CXCR5: variants seen among roughly 807,000 people sequenced by gnomAD.
CXCR5 encodes the protein C-X-C chemokine receptor type 5.
CXCR5 carries 3 observed loss-of-function variants against 5.6 expected under a neutral mutation model. That is an observed-to-expected ratio of 0.54 (90% CI 0.24 to 1.39). The LOEUF (loss-of-function observed/expected upper bound fraction) is 1.39, where lower values mean the gene tolerates loss of function less well. CXCR5 is among the 40% of genes most tolerant of loss of function. CXCR5 has a pLI of 0.16. For synonymous variants in CXCR5, 218 were observed against 219.9 expected (o/e 0.99, Z 0.08); for missense variants, 333 against 494.6 (o/e 0.67, Z 3.10).
rs149086316 is a variant in CXCR5, at chr11:118,894,042, C to A, written c.498C>A (p.Ile166=). ...HAYRHRRLLS[I]HITCGTIWLV... ...ACCGCCACCGCCGCCTCCTCTCCAT[C>A]CACATCACCTGTGGGACCATCTGGC... is the stretch of plus-strand genomic sequence containing the variant. Residue 166 remains isoleucine, a synonymous_variant, in exon 2 of 2, where the codon ATC becomes ATA. Transcript: ENST00000292174. This position sits in a 1 kb window ranked among gnomAD's most constrained non-coding sequence, Gnocchi z 6.1. 7.9e-5 allele frequency: 128 copies of A among 1,614,024 alleles called. No individual in the cohort carries two copies. In the African/African-American group the frequency reaches 1.4e-3, roughly 18 times the overall value.
intron 1 of CXCR5, among the ~76,000 whole-genome samples, chr11:118,884,875 G>A (rs536995928): frequency 6.6e-6 from 1 of 152,224 alleles, no homozygotes; most frequent in Admixed American, 6.5e-5. Context: ...CTTGTGAGCC[G>A]ACGGCAGAGG....
Position 118,894,127 on chromosome 11 carries a change from CACA to C in CXCR5, c.589_591del (p.Asn197del), listed in dbSNP as rs1300052548. On this transcript the variant is annotated inframe_deletion, in exon 2 of 2. Transcript: ENST00000292174. This position sits in a 1 kb window ranked among gnomAD's most constrained non-coding sequence, Gnocchi z 6.1. ...CTTCGCCAAAGTCAGCCAAGGCCAT[CACA>C]ACAACTCCCTGCCACGTTGCACCTT... 1.2e-6 allele frequency: 2 copies of C among 1,614,104 alleles called. No homozygotes were observed. Among genetic ancestry groups the C allele is most frequent in the Non-Finnish European group, 1.7e-6 (2 of 1,180,036 alleles).
At chr11:118,884,089 C>A in intron 1 of CXCR5, 97 bp downstream of exon 1, 6 of 1,208,692 alleles carry the variant, frequency 5.0e-6, no homozygotes, top group Non-Finnish European at 7.2e-6. Flanking sequence ...TGTGGGAATC[C>A]TCTCCCACTG....
intron 1 of CXCR5, chr11:118,886,471 G>T (rs1366782663): frequency 2.4e-6 from 1 of 411,056 alleles, no homozygotes; most frequent in Non-Finnish European, 4.7e-6. Context: ...CTTCTTTAAG[G>T]CAGGGGCTGG....
In CXCR5 at chr11:118,894,547, C is replaced by T. The variant is rs200126792; in HGVS notation, c.1003C>T (p.Arg335Trp). The T allele has an allele frequency of 2.6e-5, 41 of 1,568,198 alleles. No individual in the cohort carries two copies. The East Asian group carries it at 4.0e-4, about 15-fold the overall frequency. Residue 335 changes from arginine (R) to tryptophan (W), a missense_variant, in exon 2 of 2, where the codon CGG (arginine) becomes TGG (tryptophan). By Grantham distance (101) the Arg-to-Trp change is moderately radical. Coordinates refer to ENST00000292174, the MANE Select transcript of CXCR5 (RefSeq NM_001716.5). The surrounding 1 kb of genome is among the most constrained non-coding windows in gnomAD (Gnocchi z 6.1). Reference protein sequence around the residue: ...AGVKFRSDLSRLLTKLGCTGP... With the variant: ...AGVKFRSDLSWLLTKLGCTGP... The stretch of plus-strand genomic sequence containing the variant: ...CGTGAAGTTCCGCAGTGACCTGTCG[C>T]GGCTCCTGACGAAGCTGGGCTGTAC...
At chr11:118,884,927 C>T (rs960064666) in intron 1 of CXCR5, among the ~76,000 whole-genome samples, 1 of 152,160 alleles carries the variant, frequency 6.6e-6, no homozygotes, top group Non-Finnish European at 1.5e-5. Flanking sequence ...ACTGTCTTTT[C>T]TCCCCCTGGA....
At chr11:118,887,140 G>A (rs540394035) in intron 1 of CXCR5, 5 of 617,054 alleles carry the variant, frequency 8.1e-6, no homozygotes, top group Admixed American at 6.3e-5. Context: ...ATATGGGTTC[G>A]GGCATACAAA....
chr11:118,889,945 G>T (rs539388844), intron 1 of CXCR5, among the ~76,000 whole-genome samples: 3 of 152,306 alleles, frequency 2.0e-5, no homozygotes, highest in South Asian at 2.1e-4. Flanking sequence ...GGTCAGACAG[G>T]CTGGCTGGAC....
chr11:118,892,692 A>AGAGGAGGATGGG (rs1939832091), intron 1 of CXCR5, among the ~76,000 whole-genome samples: 2 of 150,950 alleles, frequency 1.3e-5, no homozygotes, highest in African/African-American at 2.4e-5. Context: ...GGGGAGAGGA[A>AGAGGAGGATGGG]GAGGAGGATG....
rs1444066904 is a variant in CXCR5 at position 118,894,534 on chromosome 11, C to T, written c.990C>T (p.Arg330=). ...ACACTTTCGCCGGCGTGAAGTTCCG[C>T]AGTGACCTGTCGCGGCTCCTGACGA... ...MLYTFAGVKF[R]SDLSRLLTKL... is the part of the protein sequence containing the mutation. Residue 330 remains arginine (R), a synonymous_variant, in exon 2 of 2, where the codon CGC becomes CGT. Transcript: ENST00000292174. This position sits in a 1 kb window ranked among gnomAD's most constrained non-coding sequence, Gnocchi z 6.1. 2.5e-6 allele frequency: 4 copies of T among 1,580,658 alleles called. No homozygotes were observed. The highest frequency in any genetic ancestry group is 2.6e-6 in the Non-Finnish European group (3 of 1,161,072).
At chr11:118,890,571 G>T (rs766002735) in intron 1 of CXCR5, among the ~76,000 whole-genome samples, 1 of 152,072 alleles carries the variant, frequency 6.6e-6, no homozygotes. Context: ...GAGGTTTGGA[G>T]ACAGGAATGT....
Position 118,884,011 on chromosome 11 carries a change from C to A in CXCR5, c.51+19C>A. On this transcript the variant is annotated intron_variant, in intron 1 of 1. Coordinates refer to ENST00000292174, the MANE Select transcript of CXCR5 (RefSeq NM_001716.5). ...GGACCTGGTGAGTAGACACGGGTAG[C>A]TTCCTGTCGCCGAGGCCCTGTCTGG... 4.3e-6 allele frequency: 7 copies of A among 1,611,130 alleles called. No individual in the cohort carries two copies. The highest frequency in any genetic ancestry group is 5.9e-6 in the Non-Finnish European group (7 of 1,178,406).
chr11:118,893,474 G>GA lies in CXCR5; in HGVS notation c.52-119dup, dbSNP rs1322517167. On this transcript the variant is annotated intron_variant, in intron 1 of 1. Coordinates refer to ENST00000292174, the MANE Select transcript of CXCR5 (RefSeq NM_001716.5). The surrounding 1 kb of genome is among the most constrained non-coding windows in gnomAD (Gnocchi z 5.7). ...AGTGATTTGTTCAAAATTGAAATTT[G>GA]AAACTTGACATTTGGTCAGTGGGCC... 2.1e-6 allele frequency: 3 copies of GA among 1,453,746 alleles called. No individual in the cohort carries two copies. Among genetic ancestry groups the GA allele is most frequent in the Admixed American group, 5.1e-5 (2 of 38,938 alleles). 90.1% of individuals were successfully genotyped at this position (1,453,746 alleles called of 1,614,324 possible). A position where few individuals can be genotyped will look rare whatever the true frequency, so the allele number is the denominator to read the frequency against.
intron 1 of CXCR5, among the ~76,000 whole-genome samples, chr11:118,891,906 A>C (rs1191741360): frequency 3.3e-5 from 5 of 152,002 alleles, no homozygotes; most frequent in Middle Eastern, 3.4e-3. Flanking sequence ...AAGTTGAAAA[A>C]ATAAGATAAA....
Position 118,896,326 on chromosome 11 carries a change from G to T in CXCR5, c.*1663G>T, listed in dbSNP as rs900749861. On this transcript the variant is annotated 3_prime_UTR_variant, in exon 2 of 2. Coordinates refer to ENST00000292174, the MANE Select transcript of CXCR5 (RefSeq NM_001716.5). ...ATATAATGGTACAAAATGGCTGGGGGTGTGGCCATGGATGGAGGGAAGAGT... is the reference window on the plus strand; with the variant it reads ...ATATAATGGTACAAAATGGCTGGGGTTGTGGCCATGGATGGAGGGAAGAGT... 1.9e-5 allele frequency: 3 copies of T among 154,932 alleles called. No individual in the cohort carries two copies. Among genetic ancestry groups the T allele is most frequent in the African/African-American group, 4.8e-5 (2 of 41,390 alleles). 9.6% of individuals were successfully genotyped at this position (154,932 alleles called of 1,614,324 possible). A position where few individuals can be genotyped will look rare whatever the true frequency, so the allele number is the denominator to read the frequency against.
chr11:118,887,091 C>T lies in CXCR5; in HGVS notation c.51+3099C>T, dbSNP rs914071372. 2.9e-5 allele frequency: 7 copies of T among 244,288 alleles called. No homozygotes were observed. The South Asian group carries it at 9.0e-4, about 31-fold the overall frequency. The allele number at this position is 244,288 out of a possible 1,614,324, so 15.1% of individuals were successfully genotyped here. ...TGGAAGGGTCAGAGATGAGGGAGAG[C>T]CCCAAGGCCAAGCTGAGGATGGGTC... is the stretch of plus-strand genomic sequence containing the variant. On this transcript the variant is annotated intron_variant, in intron 1 of 1. Coordinates refer to ENST00000292174, the MANE Select transcript of CXCR5 (RefSeq NM_001716.5).
chr11:118,889,357 A>AGT (rs1292349191), intron 1 of CXCR5, among the ~76,000 whole-genome samples: 1 of 152,048 alleles, frequency 6.6e-6, no homozygotes, highest in East Asian at 1.9e-4. Context: ...TGCTGTCAAG[A>AGT]GTGTGTGTGT....
intron 1 of CXCR5, chr11:118,886,357 A>G (rs1410517825): frequency 2.3e-6 from 1 of 443,308 alleles, no homozygotes; most frequent in African/African-American, 2.1e-5. Context: ...GAAAAAAAAA[A>G]AAAAAAGGAA....
At chr11:118,889,216 T>C (rs1939769515) in intron 1 of CXCR5, among the ~76,000 whole-genome samples, 1 of 152,186 alleles carries the variant, frequency 6.6e-6, no homozygotes, top group South Asian at 2.1e-4. Flanking sequence ...CTCATTCTGG[T>C]CATTGTGTTT....
Sources: allele counts gnomAD v4.1 joint callset (sites outside exome capture counted in the v4.1 genomes callset), GRCh38; gene constraint gnomAD v4.1.1; non-coding constraint Gnocchi (gnomAD v3.1); transcripts MANE v1.5; gene names NCBI Gene and HGNC (gene_info 2026-07-23, HGNC 2026-07-21).